CR1: variants seen among roughly 807,000 people sequenced by gnomAD.
CR1 encodes the protein complement C3b/C4b receptor 1 (Knops blood group), also known as complement receptor type 1.
CR1 carries 116 observed loss-of-function variants against 187.3 expected under a neutral mutation model. That is an observed-to-expected ratio of 0.62 (90% CI 0.53 to 0.72). The LOEUF is 0.72. Ranked by LOEUF, CR1 falls within the 30% of genes least tolerant of loss-of-function variation. CR1 has a pLI of 0.00. For missense variants in CR1, 1,731 were observed against 2,110.7 expected (o/e 0.82, Z 3.52); for synonymous variants, 576 against 747.1 (o/e 0.77, Z 3.73).
In CR1 at chr1:207,594,595, GT is replaced by G. The variant is rs138038284; in HGVS notation, c.5810+5822del. On this transcript the variant is annotated intron_variant, in intron 35 of 46. Transcript: ENST00000367049. ...CTGCACATGTATCCCAGAATTTAAA[GT>G]ATGATAATAAAAAAAAGACTGTGTA... Among the ~76,000 whole-genome samples, 4 of 152,136 alleles carry G rather than the reference GT, an allele frequency of 2.6e-5. No homozygotes were observed. In the East Asian group the frequency reaches 7.7e-4, roughly 29 times the overall value.
At chr1:207,508,319 A>G (rs1659507962) in intron 3 of CR1, among the ~76,000 whole-genome samples, 1 of 152,270 alleles carries the variant, frequency 6.6e-6, no homozygotes, top group South Asian at 2.1e-4. Flanking sequence ...GTGTCAGTGT[A>G]GGTTCCTCAA....
chr1:207,602,010 T>C (rs145713975), intron 35 of CR1, among the ~76,000 whole-genome samples: 59 of 152,268 alleles, frequency 3.9e-4, no homozygotes, highest in African/African-American at 1.3e-3. Context: ...GCAGTGCTTT[T>C]TGTGGTTAGC....
chr1:207,611,101 G>A (rs531915463), intron 37 of CR1, among the ~76,000 whole-genome samples: 3 of 147,164 alleles, frequency 2.0e-5, no homozygotes, highest in Admixed American at 6.8e-5. Flanking sequence ...CTATCCCCAC[G>A]ATTTTGTTCT....
At chr1:207,632,291 T>C (rs2102416180) in intron 46 of CR1, among the ~76,000 whole-genome samples, 1 of 152,336 alleles carries the variant, frequency 6.6e-6, no homozygotes, top group East Asian at 1.9e-4. Flanking sequence ...CAAATGGGCA[T>C]ATGTATACAC....
intron 24 of CR1, among the ~76,000 whole-genome samples, chr1:207,566,347 GCAGT>G (rs1430319489): frequency 4.0e-5 from 6 of 148,340 alleles, no homozygotes; most frequent in South Asian, 2.1e-4. Flanking sequence ...CCATCAAAGT[GCAGT>G]CAGTCTACAA....
intron 46 of CR1, among the ~76,000 whole-genome samples, chr1:207,634,899 C>T (rs1373815170): frequency 3.3e-5 from 5 of 152,096 alleles, no homozygotes; most frequent in South Asian, 2.1e-4. Flanking sequence ...GTGACCTGTA[C>T]GTTTTCTAGA....
chr1:207,567,371 G>T (rs1341350556), intron 24 of CR1, among the ~76,000 whole-genome samples: 1 of 149,154 alleles, frequency 6.7e-6, no homozygotes, highest in Non-Finnish European at 1.5e-5. Context: ...ATCAGTGAAA[G>T]GTTTCACCTA....
At chr1:207,587,840 A>T (rs1661158257) in intron 34 of CR1, among the ~76,000 whole-genome samples, 1 of 152,252 alleles carries the variant, frequency 6.6e-6, no homozygotes, top group Non-Finnish European at 1.5e-5. Context: ...AAAGGAAAGG[A>T]TGGTCTTGTA....
At chr1:207,514,994 T>TACAC (rs369482432) in intron 4 of CR1, among the ~76,000 whole-genome samples, 5,325 of 119,490 alleles carry the variant, frequency 0.045, 316 homozygotes, top group African/African-American at 0.13. Flanking sequence ...TATATATATA[T>TACAC]ACACACACAC....
At chr1:207,519,343 A>G (rs1465147386) in intron 4 of CR1, among the ~76,000 whole-genome samples, 3 of 152,044 alleles carry the variant, frequency 2.0e-5, no homozygotes, top group Non-Finnish European at 4.4e-5. Flanking sequence ...TTACTGATAT[A>G]AAGTCTAAGT....
chr1:207,611,828 G>A lies in CR1; in HGVS notation c.6447G>A (p.Trp2149Ter). 2 of 1,614,018 alleles carry A rather than the reference G, an allele frequency of 1.2e-6. No individual in the cohort carries two copies. The highest frequency in any genetic ancestry group is 8.5e-7 in the Non-Finnish European group (1 of 1,179,892). Residue 2149 changes from tryptophan to a stop codon, truncating the protein, a stop_gained, in exon 38 of 47, where the codon TGG (tryptophan) becomes TGA (stop). Transcript: ENST00000367049. LOFTEE classifies it high-confidence loss of function. ...ASLHCTPQGDWSPEAPRCTVK... is the reference protein window; with the variant it reads ...ASLHCTPQGD ...TGCACTGCACGCCCCAGGGAGACTG[G>A]AGCCCTGAAGCCCCTAGATGTACAG...
intron 27 of CR1, among the ~76,000 whole-genome samples, chr1:207,573,864 G>T (rs1660652312): frequency 6.6e-6 from 1 of 152,152 alleles, no homozygotes; most frequent in Non-Finnish European, 1.5e-5. Flanking sequence ...AAGCACAGTG[G>T]CTCACATATG....
At chr1:207,498,249 C>T (rs1032158080) in intron 1 of CR1, among the ~76,000 whole-genome samples, 9 of 152,176 alleles carry the variant, frequency 5.9e-5, no homozygotes, top group African/African-American at 1.2e-4. Context: ...ACTAAGAAGT[C>T]GTGCAAGACT....
chr1:207,630,180 A>C (rs1441482050), intron 45 of CR1, among the ~76,000 whole-genome samples: 1 of 152,214 alleles, frequency 6.6e-6, no homozygotes, highest in African/African-American at 2.4e-5. Flanking sequence ...CATGTTGTGC[A>C]GCTTAAGTGT....
chr1:207,575,608 G>A lies in CR1; in HGVS notation c.4465G>A (p.Gly1489Ser). 1.9e-6 allele frequency: 3 copies of A among 1,611,794 alleles called. No homozygotes were observed. Among genetic ancestry groups the A allele is most frequent in the Non-Finnish European group, 2.5e-6 (3 of 1,179,692 alleles). ...YSCTTGHRLIGHSSAECILSG... is the reference protein window; with the variant it reads ...YSCTTGHRLISHSSAECILSG... ...TTTTGCCTTTAGGCACCGACTCATT[G>A]GTCACTCATCTGCTGAATGTATCCT... is the stretch of plus-strand genomic sequence containing the variant. Residue 1489 changes from glycine (G) to serine (S), a missense_variant, in exon 28 of 47, where the codon GGT becomes AGT. Gly to Ser is a moderately conservative substitution (Grantham distance 56, BLOSUM62 0). Around this residue, in one of 5 missense-constraint regions of CR1, gnomAD observed 1,312 missense variants for 1,379.6 expected, o/e 0.95. Coordinates refer to ENST00000367049, the MANE Select transcript of CR1 (RefSeq NM_000651.6).
At chr1:207,633,676 TC>T (rs1413994425) in intron 46 of CR1, among the ~76,000 whole-genome samples, 2 of 152,222 alleles carry the variant, frequency 1.3e-5, no homozygotes, top group Non-Finnish European at 2.9e-5. Context: ...TTTAAAGATC[TC>T]CCCAATCTCT....
chr1:207,613,677 T>C (rs1246850025), intron 39 of CR1, among the ~76,000 whole-genome samples: 1 of 152,184 alleles, frequency 6.6e-6, no homozygotes, highest in Non-Finnish European at 1.5e-5. Flanking sequence ...TCTGGAGGGA[T>C]AACTAGATTG....
At chr1:207,597,609 G>A (rs745783431) in intron 35 of CR1, among the ~76,000 whole-genome samples, 6 of 152,180 alleles carry the variant, frequency 3.9e-5, no homozygotes, top group Non-Finnish European at 7.4e-5. Context: ...AGGTGTTGGC[G>A]AGGATGTGGA....
intron 37 of CR1, among the ~76,000 whole-genome samples, chr1:207,611,405 A>G (rs536313696): frequency 2.3e-4 from 35 of 152,298 alleles, no homozygotes; most frequent in South Asian, 1.9e-3. Flanking sequence ...CCAGTAGTTG[A>G]AAGCAAGAGG....
Sources: gnomAD v4.1 joint callset for allele counts (sites outside exome capture counted in the v4.1 genomes callset) on GRCh38, gnomAD v4.1.1 for gene constraint, gnomAD v4.1.1 regional missense constraint, MANE v1.5 for transcripts, NCBI Gene and HGNC (gene_info 2026-07-23, HGNC 2026-07-21) for gene names.